Variants in GPBP1 observed in about 807,000 individuals in gnomAD.
The protein encoded by GPBP1 is GC-rich promoter binding protein 1, also known as vasculin.
In GPBP1, 13 loss-of-function variants were observed where a neutral mutation model predicts 56.5. The observed-to-expected ratio is 0.23, with a 90% CI of 0.15 to 0.37. The LOEUF is 0.37. Among genes scored for constraint, GPBP1 ranks in the 10% least tolerant of loss-of-function variants. GPBP1 has a pLI of 1.00. For synonymous variants in GPBP1, 204 were observed against 188.9 expected, an observed-to-expected ratio of 1.08 and a Z score of -0.66; for missense variants, 477 against 572.3, an observed-to-expected ratio of 0.83 and a Z score of 1.70.
chr5:57,222,732 C>T (rs1412990048), intron 3 of GPBP1, among the ~76,000 whole-genome samples: 1 of 152,124 alleles, frequency 6.6e-6, no homozygotes, highest in Non-Finnish European at 1.5e-5. Context: ...ATTGCTGAAT[C>T]AGAAGGTTTG....
intron 2 of GPBP1, among the ~76,000 whole-genome samples, chr5:57,187,854 A>G (rs912970009): frequency 6.6e-6 from 1 of 151,960 alleles, no homozygotes; most frequent in Non-Finnish European, 1.5e-5. Flanking sequence ...ATAGGTAAGT[A>G]TAAATTGAAG....
chr5:57,247,744 A>G (rs1741162418), intron 8 of GPBP1, among the ~76,000 whole-genome samples: 1 of 150,698 alleles, frequency 6.6e-6, no homozygotes, highest in Middle Eastern at 3.2e-3. Context: ...AACAAAGAAT[A>G]ATTTTTTGGG....
intron 2 of GPBP1, among the ~76,000 whole-genome samples, chr5:57,206,595 G>C (rs1755243955): frequency 6.6e-6 from 1 of 151,856 alleles, no homozygotes. Context: ...GCTGGTCTCG[G>C]ACTCCTGACC....
intron 2 of GPBP1, among the ~76,000 whole-genome samples, chr5:57,204,148 A>G (rs181017070): frequency 6.6e-6 from 1 of 152,300 alleles, no homozygotes; most frequent in Admixed American, 6.5e-5. Flanking sequence ...AATTATGTTA[A>G]AACTGAAGCA....
chr5:57,250,937 A>C lies in GPBP1; in HGVS notation c.973-17A>C. On this transcript the variant is annotated splice_polypyrimidine_tract_variant and intron_variant, in intron 9 of 11. Coordinates refer to ENST00000506184, the MANE Select transcript of GPBP1 (RefSeq NM_022913.4). Reference sequence around the variant, plus strand: ...AGAACTCATTCTTTTTTTTTTTTTTAACTCTCTAAAAATCAGGATGACGAC... The same window carrying C: ...AGAACTCATTCTTTTTTTTTTTTTTCACTCTCTAAAAATCAGGATGACGAC... 1.6e-6 allele frequency: 2 copies of C among 1,221,986 alleles called. No homozygotes were observed. Among genetic ancestry groups the C allele is most frequent in the Non-Finnish European group, 1.1e-6 (1 of 908,478 alleles). The allele number at this position is 1,221,986 out of a possible 1,614,324, so 75.7% of individuals were successfully genotyped here. A position where few individuals can be genotyped will look rare whatever the true frequency, so the allele number is the denominator to read the frequency against.
chr5:57,177,634 C>G (rs1010802562), intron 2 of GPBP1, among the ~76,000 whole-genome samples: 10 of 143,230 alleles, frequency 7.0e-5, no homozygotes, highest in African/African-American at 2.6e-4. Context: ...CCACCACGCT[C>G]GGCCAATTTT....
chr5:57,222,787 A>G (rs1353502011), intron 3 of GPBP1, among the ~76,000 whole-genome samples: 1 of 152,168 alleles, frequency 6.6e-6, no homozygotes, highest in Non-Finnish European at 1.5e-5. Context: ...AAATGTTCGT[A>G]TCTACTTATA....
intron 2 of GPBP1, among the ~76,000 whole-genome samples, chr5:57,211,688 A>G (rs576075021): frequency 4.0e-5 from 6 of 151,338 alleles, no homozygotes; most frequent in South Asian, 2.1e-4. Flanking sequence ...GGTTCAAGCA[A>G]TTCTCCTGCC....
At chr5:57,186,840 G>T (rs1754308208) in intron 2 of GPBP1, among the ~76,000 whole-genome samples, 1 of 151,956 alleles carries the variant, frequency 6.6e-6, no homozygotes, top group Admixed American at 6.6e-5. Context: ...CAAAGTATTG[G>T]GATTACAGGC....
rs187145229 is a variant in GPBP1 at position 57,220,551 on chromosome 5, C to T, written c.63+6358C>T. Reference sequence around the variant, plus strand: ...CTCTGCTCACTGTAACCTCTGCCCCCCAGGTTCAAACGATTCTCCTGCCTC... The same window carrying T: ...CTCTGCTCACTGTAACCTCTGCCCCTCAGGTTCAAACGATTCTCCTGCCTC... On this transcript the variant is annotated intron_variant, in intron 3 of 11. Transcript: ENST00000506184. Among the ~76,000 whole-genome samples the T allele has an allele frequency of 7.9e-5, 12 of 151,920 alleles. 1 individual carries two copies. The East Asian group carries it at 1.7e-3, about 22-fold the overall frequency.
intron 11 of GPBP1, among the ~76,000 whole-genome samples, chr5:57,262,344 G>C (rs1015673069): frequency 6.6e-6 from 1 of 152,096 alleles, no homozygotes. Flanking sequence ...TTATATTCTG[G>C]TAAGTCCCTG....
chr5:57,234,343 T>A (rs562395306), intron 5 of GPBP1, among the ~76,000 whole-genome samples: 7 of 152,234 alleles, frequency 4.6e-5, no homozygotes, highest in Admixed American at 6.5e-5. Context: ...TCAATGCTCA[T>A]CTCACTTTTG....
chr5:57,233,623 G>C (rs1457790267), intron 5 of GPBP1, among the ~76,000 whole-genome samples: 1 of 152,142 alleles, frequency 6.6e-6, no homozygotes, highest in Non-Finnish European at 1.5e-5. Context: ...GTCTTAAGAG[G>C]AAATATATTT....
chr5:57,255,633 A>G (rs1741622791), intron 10 of GPBP1, among the ~76,000 whole-genome samples: 1 of 152,260 alleles, frequency 6.6e-6, no homozygotes, highest in South Asian at 2.1e-4. Flanking sequence ...AACTCCTAGA[A>G]TCTATTCATT....
chr5:57,182,246 G>A (rs1445329348), intron 2 of GPBP1, among the ~76,000 whole-genome samples: 2 of 152,014 alleles, frequency 1.3e-5, no homozygotes, highest in African/African-American at 4.8e-5. Context: ...ATCAGGCCTG[G>A]CTAAGTTTTG....
At chr5:57,248,419 ATTTTTTTTTTTTTT>A (rs70999069) in intron 8 of GPBP1, among the ~76,000 whole-genome samples, 4 of 99,350 alleles carry the variant, frequency 4.0e-5, no homozygotes, top group Admixed American at 2.3e-4. Context: ...CTCATATACT[ATTTTTTTTTTTTTT>A]TTTTTTTTTT....
chr5:57,215,003 C>T (rs72644093), intron 3 of GPBP1, among the ~76,000 whole-genome samples: 4,985 of 152,262 alleles, frequency 0.033, 494 homozygotes, highest in East Asian at 0.3. Flanking sequence ...ACACCATCAG[C>T]GTACACTAAG....
chr5:57,221,343 C>T, intron 3 of GPBP1: 1 of 1,485,024 alleles, frequency 6.7e-7, no homozygotes, highest in Non-Finnish European at 9.1e-7. Context: ...TTAAATAATG[C>T]CAATTGTGAC....
At chr5:57,258,388 T>C (rs1471936576) in intron 10 of GPBP1, among the ~76,000 whole-genome samples, 1 of 152,202 alleles carries the variant, frequency 6.6e-6, no homozygotes, top group Non-Finnish European at 1.5e-5. Context: ...CTATATGGTA[T>C]AGACTGTTAT....
Sources: gnomAD v4.1 joint callset for allele counts (sites outside exome capture counted in the v4.1 genomes callset) on GRCh38, gnomAD v4.1.1 for gene constraint, MANE v1.5 for transcripts, NCBI Gene and HGNC (gene_info 2026-07-23, HGNC 2026-07-21) for gene names.